L3MBTL4: variants seen among roughly 807,000 people sequenced by gnomAD.
L3MBTL4 encodes lethal(3)malignant brain tumor-like protein 4.
In L3MBTL4, 70 loss-of-function variants were observed where a neutral mutation model predicts 84.5. The observed-to-expected ratio is 0.83, with a 90% CI of 0.68 to 1.01. The LOEUF is 1.01. Ranked by LOEUF, L3MBTL4 falls within the 50% of genes least tolerant of loss-of-function variation. L3MBTL4 has a pLI of 0.00. For missense variants in L3MBTL4, 715 were observed against 754.8 expected (o/e 0.95, Z 0.62); for synonymous variants, 274 against 259.8 (o/e 1.05, Z -0.52).
chr18:6,232,009 T>C (rs996021147), intron 10 of L3MBTL4, among the ~76,000 whole-genome samples: 1 of 152,160 alleles, frequency 6.6e-6, no homozygotes, highest in South Asian at 2.1e-4. Context: ...TTGAGTATGA[T>C]ATTCCCTGTG....
At chr18:6,412,447 C>A (rs145228437) in intron 1 of L3MBTL4, among the ~76,000 whole-genome samples, 2 of 152,034 alleles carry the variant, frequency 1.3e-5, no homozygotes, top group African/African-American at 4.8e-5. Flanking sequence ...AAAACTTAAC[C>A]CACTTGAAGG....
chr18:6,339,794 A>C (rs2052521326), intron 1 of L3MBTL4, among the ~76,000 whole-genome samples: 1 of 152,194 alleles, frequency 6.6e-6, no homozygotes, highest in Non-Finnish European at 1.5e-5. Flanking sequence ...GACGTAATAA[A>C]AACATCATAA....
intron 16 of L3MBTL4, among the ~76,000 whole-genome samples, chr18:6,037,812 T>C (rs563077612): frequency 2.0e-5 from 3 of 152,314 alleles, no homozygotes; most frequent in Admixed American, 6.5e-5. Flanking sequence ...ATAATGACAT[T>C]TGAAATCATA....
chr18:6,185,976 T>C (rs1260768935), intron 12 of L3MBTL4, among the ~76,000 whole-genome samples: 3 of 146,818 alleles, frequency 2.0e-5, no homozygotes, highest in Non-Finnish European at 4.4e-5. Context: ...TTTATTTTAT[T>C]TTATTTTATT....
intron 13 of L3MBTL4, among the ~76,000 whole-genome samples, chr18:6,149,293 A>AT (rs2042787565): frequency 6.7e-6 from 1 of 148,362 alleles, no homozygotes; most frequent in Non-Finnish European, 1.5e-5. Context: ...GTGAGAACAT[A>AT]TGGTGTTTGG....
chr18:6,297,185 G>GT (rs1456591187), intron 4 of L3MBTL4, among the ~76,000 whole-genome samples: 4 of 152,168 alleles, frequency 2.6e-5, no homozygotes, highest in Non-Finnish European at 5.9e-5. Context: ...TGGGGACATG[G>GT]TGAGTTGATG....
At chr18:6,214,845 A>G (rs193206043) in intron 11 of L3MBTL4, among the ~76,000 whole-genome samples, 58 of 152,262 alleles carry the variant, frequency 3.8e-4, no homozygotes, top group Non-Finnish European at 6.9e-4. Context: ...ACTTTTCAGA[A>G]TTTTATTTTC....
chr18:6,322,886 T>C (rs1192511868), intron 1 of L3MBTL4, among the ~76,000 whole-genome samples: 2 of 152,174 alleles, frequency 1.3e-5, no homozygotes, highest in African/African-American at 4.8e-5. Flanking sequence ...CCAAATCTCA[T>C]GTTGAATTGT....
At chr18:6,337,687 G>C (rs1250375906) in intron 1 of L3MBTL4, among the ~76,000 whole-genome samples, 1 of 152,056 alleles carries the variant, frequency 6.6e-6, no homozygotes, top group Admixed American at 6.5e-5. Flanking sequence ...ACATGGATGT[G>C]TTTACTTTGT....
At chr18:6,156,874 C>A (rs2043127553) in intron 13 of L3MBTL4, among the ~76,000 whole-genome samples, 1 of 152,182 alleles carries the variant, frequency 6.6e-6, no homozygotes, top group Admixed American at 6.5e-5. Flanking sequence ...CAACTGTGAA[C>A]AAAGTCTTCA....
intron 1 of L3MBTL4, among the ~76,000 whole-genome samples, chr18:6,312,289 T>A (rs1313937132): frequency 6.6e-6 from 1 of 152,226 alleles, no homozygotes; most frequent in Non-Finnish European, 1.5e-5. Context: ...TATAATTTTT[T>A]AAAACTTTTA....
intron 5 of L3MBTL4, among the ~76,000 whole-genome samples, chr18:6,253,535 G>A (rs1344633927): frequency 6.6e-6 from 1 of 152,188 alleles, no homozygotes; most frequent in East Asian, 1.9e-4. Flanking sequence ...GGACAAGGGA[G>A]GCAGAGGATT....
intron 15 of L3MBTL4, among the ~76,000 whole-genome samples, chr18:6,086,479 A>G (rs1026834850): frequency 4.6e-5 from 7 of 152,198 alleles, no homozygotes; most frequent in African/African-American, 1.7e-4. Context: ...ATAACTGTAC[A>G]TTCATTTAGG....
At chr18:6,393,828 A>G (rs17411806) in intron 1 of L3MBTL4, among the ~76,000 whole-genome samples, 26,268 of 152,070 alleles carry the variant, frequency 0.17, 2,368 homozygotes, top group African/African-American at 0.22. Context: ...GCCTAGGTCC[A>G]TCCCTGTCAA....
intron 1 of L3MBTL4, among the ~76,000 whole-genome samples, chr18:6,377,847 A>G (rs1442404244): frequency 6.6e-6 from 1 of 152,208 alleles, no homozygotes; most frequent in Non-Finnish European, 1.5e-5. Context: ...CAGTAATGGG[A>G]TGGCTAGGTC....
At chr18:6,208,115 A>AT in intron 12 of L3MBTL4, among the ~76,000 whole-genome samples, 1 of 144,156 alleles carries the variant, frequency 6.9e-6, no homozygotes, top group Admixed American at 7.1e-5. Flanking sequence ...ACCCTGTCTA[A>AT]AAAATAAATA....
chr18:6,071,815 G>GAAAGA (rs1231353188), intron 16 of L3MBTL4, among the ~76,000 whole-genome samples: 1 of 116,224 alleles, frequency 8.6e-6, no homozygotes, highest in African/African-American at 4.0e-5. Flanking sequence ...AAGAAAGAAA[G>GAAAGA]GAAAGAAAGA....
chr18:6,063,525 T>A (rs2057304154), intron 16 of L3MBTL4, among the ~76,000 whole-genome samples: 1 of 151,870 alleles, frequency 6.6e-6, no homozygotes, highest in Admixed American at 6.6e-5. Flanking sequence ...CATGCCAACA[T>A]CTATTGTTTT....
At chr18:5,998,397 G>A (rs150463565) in intron 16 of L3MBTL4, among the ~76,000 whole-genome samples, 70 of 152,320 alleles carry the variant, frequency 4.6e-4, no homozygotes, top group Non-Finnish European at 9.3e-4. Flanking sequence ...CCTGGTGGAA[G>A]AAGCCTGGTC....
Sources: allele counts gnomAD v4.1 joint callset (sites outside exome capture counted in the v4.1 genomes callset), GRCh38; gene constraint gnomAD v4.1.1; transcripts MANE v1.5; gene names NCBI Gene and HGNC (gene_info 2026-07-23, HGNC 2026-07-21).